Variants in KHDRBS2 observed in about 807,000 individuals in gnomAD.
KHDRBS2 encodes KH domain-containing, RNA-binding, signal transduction-associated protein 2.
A neutral mutation model predicts 44.3 loss-of-function variants in KHDRBS2; 26 were observed. The ratio of observed to expected loss-of-function variants is 0.59; its 90% CI spans 0.43 to 0.81. The LOEUF (loss-of-function observed/expected upper bound fraction) is 0.81, where lower values mean the gene tolerates loss of function less well. Among genes scored for constraint, KHDRBS2 ranks in the 40% least tolerant of loss-of-function variants. KHDRBS2 has a pLI of 0.00. For synonymous variants in KHDRBS2, 194 were observed against 151.1 expected, an observed-to-expected ratio of 1.28 and a Z score of -2.08; for missense variants, 476 against 433.1, an observed-to-expected ratio of 1.10 and a Z score of -0.88.
At chr6:62,156,838 A>ATCT (rs1255553006) in intron 2 of KHDRBS2, among the ~76,000 whole-genome samples, 1 of 124,034 alleles carries the variant, frequency 8.1e-6, no homozygotes, top group Non-Finnish European at 1.7e-5. Context: ...CGCCCGGCTA[A>ATCT]TTTTTTTTTT....
chr6:61,783,717 T>C (rs1316150548), intron 6 of KHDRBS2, among the ~76,000 whole-genome samples: 1 of 152,046 alleles, frequency 6.6e-6, no homozygotes, highest in Non-Finnish European at 1.5e-5. Context: ...AGGTGAAATG[T>C]ATTTATTTTC....
the KHDRBS2 span, among the ~76,000 whole-genome samples, chr6:61,562,825 G>T: frequency 6.6e-6 from 1 of 152,118 alleles, no homozygotes; most frequent in South Asian, 2.1e-4. Context: ...CTCCAATTAT[G>T]TGTTAAAGTT....
intron 1 of KHDRBS2, among the ~76,000 whole-genome samples, chr6:62,181,428 T>C (rs1822265522): frequency 6.6e-6 from 1 of 151,972 alleles, no homozygotes; most frequent in Non-Finnish European, 1.5e-5. Flanking sequence ...AAATGGACAA[T>C]GGCAATATGA....
chr6:62,083,004 T>C (rs760443734), intron 2 of KHDRBS2, among the ~76,000 whole-genome samples: 4 of 152,128 alleles, frequency 2.6e-5, no homozygotes, highest in Admixed American at 1.3e-4. Flanking sequence ...GAAATACTAG[T>C]AGAAAAGGGC....
the KHDRBS2 span, among the ~76,000 whole-genome samples, chr6:61,561,639 C>A: frequency 5.3e-5 from 8 of 152,148 alleles, no homozygotes; most frequent in Non-Finnish European, 1.0e-4. Context: ...ACAACAGACA[C>A]ATGAGAGTAT....
intron 6 of KHDRBS2, among the ~76,000 whole-genome samples, chr6:61,764,327 A>T (rs942758013): frequency 3.3e-5 from 5 of 152,186 alleles, no homozygotes; most frequent in Non-Finnish European, 2.9e-5. Flanking sequence ...GAACGATTAT[A>T]TTCCTTTGGG....
intron 2 of KHDRBS2, among the ~76,000 whole-genome samples, chr6:62,144,685 A>G (rs1388577976): frequency 6.6e-6 from 1 of 151,996 alleles, no homozygotes; most frequent in East Asian, 1.9e-4. Context: ...CTTAGCAAAA[A>G]TAACATCTAA....
intron 7 of KHDRBS2, among the ~76,000 whole-genome samples, chr6:61,722,443 T>C (rs9353430): frequency 0.36 from 54,463 of 151,964 alleles, 10,488 homozygotes; most frequent in East Asian, 0.48. Flanking sequence ...GAATCTCTAC[T>C]GAGGATGATA....
At chr6:61,870,459 G>C (rs112385484) in intron 6 of KHDRBS2, among the ~76,000 whole-genome samples, 10,193 of 152,232 alleles carry the variant, frequency 0.067, 407 homozygotes, top group Middle Eastern at 0.13. Flanking sequence ...GCGGCTGTGG[G>C]TGCAGCTTCA....
At chr6:61,781,909 A>T (rs1782989993) in intron 6 of KHDRBS2, among the ~76,000 whole-genome samples, 1 of 152,188 alleles carries the variant, frequency 6.6e-6, no homozygotes, top group South Asian at 2.1e-4. Context: ...TGGAAACATG[A>T]TACTGAGCAC....
chr6:62,200,993 C>T (rs1212676500), intron 1 of KHDRBS2, among the ~76,000 whole-genome samples: 2 of 152,102 alleles, frequency 1.3e-5, no homozygotes, highest in Admixed American at 1.3e-4. Flanking sequence ...GGACAAAAAA[C>T]CAAACACCGC....
intron 4 of KHDRBS2, among the ~76,000 whole-genome samples, chr6:61,919,735 A>AAC (rs1807688256): frequency 6.6e-6 from 1 of 151,496 alleles, no homozygotes; most frequent in Non-Finnish European, 1.5e-5. Context: ...ACAACAACAA[A>AAC]AAAAAACCCC....
At chr6:62,144,504 C>A (rs1185682633) in intron 2 of KHDRBS2, among the ~76,000 whole-genome samples, 1 of 151,766 alleles carries the variant, frequency 6.6e-6, no homozygotes, top group Admixed American at 6.6e-5. Flanking sequence ...TCCTTTAATA[C>A]CTGTATACGT....
chr6:61,624,577 A>G, the KHDRBS2 span, among the ~76,000 whole-genome samples: 1 of 152,196 alleles, frequency 6.6e-6, no homozygotes, highest in Non-Finnish European at 1.5e-5. Context: ...ATAACATCCA[A>G]CAAGAGGAAC....
intron 2 of KHDRBS2, among the ~76,000 whole-genome samples, chr6:62,098,878 G>A (rs942813586): frequency 1.8e-4 from 28 of 151,684 alleles, no homozygotes; most frequent in African/African-American, 6.8e-4. Context: ...CTGTCTTTGG[G>A]CTCACTATTT....
At chr6:61,879,310 T>A (rs1799887993) in intron 6 of KHDRBS2, among the ~76,000 whole-genome samples, 1 of 151,956 alleles carries the variant, frequency 6.6e-6, no homozygotes, top group Non-Finnish European at 1.5e-5. Flanking sequence ...AGTCTGGAGT[T>A]CACTCTCACA....
intron 4 of KHDRBS2, among the ~76,000 whole-genome samples, chr6:61,934,151 G>GTT (rs748867617): frequency 1.3e-5 from 2 of 150,234 alleles, no homozygotes; most frequent in African/African-American, 4.9e-5. Context: ...TATTTGTCGG[G>GTT]TTTTTTTTTG....
chr6:62,218,262 G>A (rs991932575), intron 1 of KHDRBS2, among the ~76,000 whole-genome samples: 1 of 151,856 alleles, frequency 6.6e-6, no homozygotes, highest in Non-Finnish European at 1.5e-5. Context: ...CTTAAAACAC[G>A]ATTAAAGTGA....
chr6:61,719,883 T>A (rs1374341080), intron 7 of KHDRBS2, among the ~76,000 whole-genome samples: 1 of 152,120 alleles, frequency 6.6e-6, no homozygotes, highest in Non-Finnish European at 1.5e-5. Context: ...ACCCACTAAC[T>A]CGTCATCTAG....
Sources: gnomAD v4.1 joint callset for allele counts (sites outside exome capture counted in the v4.1 genomes callset) on GRCh38, gnomAD v4.1.1 for gene constraint, MANE v1.5 for transcripts, NCBI Gene and HGNC (gene_info 2026-07-23, HGNC 2026-07-21) for gene names.